Variants in MYBL2 observed in about 807,000 individuals in gnomAD.
MYBL2 encodes MYB proto-oncogene like 2.
Under a neutral mutation model 79.9 loss-of-function variants are expected in MYBL2, and 28 were observed. The observed-to-expected ratio is 0.35, with a 90% CI of 0.26 to 0.48. MYBL2 has a LOEUF of 0.48. Among genes scored for constraint, MYBL2 ranks in the 20% least tolerant of loss-of-function variants. The pLI is 0.99. For missense variants in MYBL2, 735 were observed against 893.9 expected (o/e 0.82, Z 2.27); for synonymous variants, 378 against 361.2 (o/e 1.05, Z -0.53).
At chr20:43,689,126 T>C (rs962741953) in intron 5 of MYBL2, among the ~76,000 whole-genome samples, 15 of 152,228 alleles carry the variant, frequency 9.9e-5, no homozygotes, top group Non-Finnish European at 1.9e-4. Flanking sequence ...TTCCATCTTA[T>C]GAAAACTTGT....
chr20:43,698,831 GC>G (rs201315656), intron 6 of MYBL2, among the ~76,000 whole-genome samples: 2,886 of 74,056 alleles, frequency 0.039, 48 homozygotes, highest in Middle Eastern at 0.068. Context: ...GCCACACCCA[GC>G]CCCCTCCCCC....
At chr20:43,711,345 C>A in intron 10 of MYBL2, 143 bp from the exon 11 acceptor site, 1 of 613,322 alleles carries the variant, frequency 1.6e-6, no homozygotes, top group Admixed American at 2.8e-5. Flanking sequence ...GTGAATGGTG[C>A]GTGTGAGATC....
At chr20:43,669,735 G>A (rs1461047909) in intron 1 of MYBL2, among the ~76,000 whole-genome samples, 1 of 152,178 alleles carries the variant, frequency 6.6e-6, no homozygotes, top group Non-Finnish European at 1.5e-5. Flanking sequence ...TGTTAAGGGG[G>A]ATAATGAGAA....
chr20:43,710,039 A>C lies in MYBL2; in HGVS notation c.1582A>C (p.Lys528Gln), dbSNP rs1987871584. ...AACCCCGTTCAAGAACGCCCTGGAG[A>C]AGTACGGACCCCTGAAGCCCCTGGT... The part of the protein sequence containing the change: ...TPTPFKNALE[K>Q]YGPLKPLPQT... Residue 528 changes from lysine to glutamine, a missense_variant, in exon 10 of 14, where the codon AAG becomes CAG. By Grantham distance (53) the Lys-to-Gln change is moderately conservative. Transcript: ENST00000217026. 1.2e-6 allele frequency: 2 copies of C among 1,609,350 alleles called. No individual in the cohort carries two copies. Among genetic ancestry groups the C allele is most frequent in the Non-Finnish European group, 1.7e-6 (2 of 1,177,820 alleles).
chr20:43,668,194 CTTTTTTTTTTTTTT>C (rs3091539), intron 1 of MYBL2, among the ~76,000 whole-genome samples: 2 of 80,620 alleles, frequency 2.5e-5, no homozygotes, highest in South Asian at 4.8e-4. Flanking sequence ...TTCGTTCCCT[CTTTTTTTTTTTTTT>C]TTTTTTTTTT....
chr20:43,675,039 G>A (rs571884266), intron 2 of MYBL2, among the ~76,000 whole-genome samples: 31 of 151,810 alleles, frequency 2.0e-4, no homozygotes, highest in African/African-American at 6.3e-4. Flanking sequence ...CTGGAGTGCC[G>A]TGCTAGCATG....
At chr20:43,668,549 C>T (rs1381301531) in intron 1 of MYBL2, among the ~76,000 whole-genome samples, 1 of 152,044 alleles carries the variant, frequency 6.6e-6, no homozygotes, top group East Asian at 1.9e-4. Flanking sequence ...ATGAAGCCTT[C>T]CATCCCTCTA....
intron 5 of MYBL2, among the ~76,000 whole-genome samples, chr20:43,691,276 C>T (rs528743434): frequency 1.3e-5 from 2 of 152,180 alleles, no homozygotes; most frequent in South Asian, 4.2e-4. Flanking sequence ...GTTCCAAGCA[C>T]ATATCTTCAG....
intron 1 of MYBL2, among the ~76,000 whole-genome samples, chr20:43,668,194 C>CTTTTTT (rs3091539): frequency 3.7e-5 from 3 of 80,622 alleles, no homozygotes; most frequent in African/African-American, 9.3e-5. Flanking sequence ...TTCGTTCCCT[C>CTTTTTT]TTTTTTTTTT....
At chr20:43,673,702 C>T (rs769343755) in intron 1 of MYBL2, 104 bp from the exon 2 acceptor site, 34 of 1,051,880 alleles carry the variant, frequency 3.2e-5, no homozygotes, top group Non-Finnish European at 3.0e-6. Context: ...AGCCTCTCTC[C>T]CCCAGACCTT....
chr20:43,688,704 A>G (rs918966151), intron 5 of MYBL2, among the ~76,000 whole-genome samples: 1 of 152,166 alleles, frequency 6.6e-6, no homozygotes, highest in Non-Finnish European at 1.5e-5. Flanking sequence ...GCTGGTCCCA[A>G]AGTGCTGGGA....
chr20:43,714,880 C>T (rs767269636), intron 12 of MYBL2, among the ~76,000 whole-genome samples: 65 of 152,190 alleles, frequency 4.3e-4, no homozygotes, highest in Non-Finnish European at 5.6e-4. Context: ...CCGCCTGCCT[C>T]GGCCTCCCAA....
At chr20:43,678,341 AAAAAAGAAAG>A (rs1987065717) in intron 2 of MYBL2, among the ~76,000 whole-genome samples, 2 of 151,112 alleles carry the variant, frequency 1.3e-5, no homozygotes, top group African/African-American at 4.9e-5. Flanking sequence ...GAAAAAAAAA[AAAAAAGAAAG>A]GATACACTGG....
At chr20:43,684,269 G>T (rs868534509) in intron 4 of MYBL2, among the ~76,000 whole-genome samples, 2 of 147,674 alleles carry the variant, frequency 1.4e-5, no homozygotes, top group African/African-American at 2.5e-5. Flanking sequence ...ACTGAGTCTT[G>T]CTCTGTCGTC....
intron 6 of MYBL2, 39 bp from the exon 7 acceptor site, chr20:43,699,718 C>A (rs765564151): frequency 6.2e-7 from 1 of 1,605,766 alleles, no homozygotes; most frequent in Non-Finnish European, 8.5e-7. Flanking sequence ...TAGTCTATAT[C>A]TCAGCGAAAT....
chr20:43,684,797 A>C (rs1987228242), intron 4 of MYBL2, among the ~76,000 whole-genome samples: 1 of 150,226 alleles, frequency 6.7e-6, no homozygotes, highest in Non-Finnish European at 1.5e-5. Context: ...CGATCACACC[A>C]CTGTACTCCA....
At chr20:43,672,213 A>G (rs1177397466) in intron 1 of MYBL2, among the ~76,000 whole-genome samples, 1 of 5,930 alleles carries the variant, frequency 1.7e-4, no homozygotes, top group Non-Finnish European at 7.6e-4. Context: ...TCCGTCTCAA[A>G]AAAAAAAAAT....
chr20:43,688,804 T>C (rs1367373021), intron 5 of MYBL2, among the ~76,000 whole-genome samples: 1 of 152,054 alleles, frequency 6.6e-6, no homozygotes, highest in African/African-American at 2.4e-5. Context: ...TTATATTTTT[T>C]TTAAGACCGA....
At chr20:43,673,950 G>A (rs962654518) in intron 2 of MYBL2, 51 bp downstream of exon 2, 6 of 1,469,284 alleles carry the variant, frequency 4.1e-6, no homozygotes, top group African/African-American at 1.4e-5. Flanking sequence ...GCTGTCCAGA[G>A]GAACTGAGCC....
Sources: allele counts gnomAD v4.1 joint callset (sites outside exome capture counted in the v4.1 genomes callset), GRCh38; gene constraint gnomAD v4.1.1; transcripts MANE v1.5; gene names NCBI Gene and HGNC (gene_info 2026-07-23, HGNC 2026-07-21).